The following STPG2 variants were observed in gnomAD, a reference collection of about 807,000 sequenced individuals.
STPG2 encodes the protein sperm-tail PG-rich repeat-containing protein 2.
STPG2 carries 56 observed loss-of-function variants against 54.2 expected under a neutral mutation model. The observed-to-expected ratio is 1.03, with a 90% CI of 0.83 to 1.29. The LOEUF (loss-of-function observed/expected upper bound fraction) is 1.29. Among genes scored for constraint, STPG2 ranks in the 50% most tolerant of loss-of-function variants. STPG2 has a pLI of 0.00. For synonymous variants in STPG2, 200 were observed against 181.8 expected (o/e 1.10, Z -0.81); for missense variants, 596 against 544.9 (o/e 1.09, Z -0.93).
chr4:98,031,434 T>C (rs1199816510), intron 5 of STPG2, among the ~76,000 whole-genome samples: 1 of 152,046 alleles, frequency 6.6e-6, no homozygotes, highest in Non-Finnish European at 1.5e-5. Context: ...ATCCCAGCAC[T>C]TTGGGAGGCT....
At chr4:98,002,833 T>C (rs1426672) in intron 5 of STPG2, among the ~76,000 whole-genome samples, 59,911 of 151,938 alleles carry the variant, frequency 0.39, 12,047 homozygotes, top group Middle Eastern at 0.46. Context: ...GGGTAATTAG[T>C]GCACATGAAG....
chr4:97,462,340 T>C (rs538390894), intron 4 of STPG2, among the ~76,000 whole-genome samples: 19 of 152,112 alleles, frequency 1.2e-4, no homozygotes, highest in Middle Eastern at 3.4e-3. Context: ...GTATGTAAAT[T>C]CTCTAAGCTA....
chr4:97,543,846 A>AAT (rs1349490580), intron 4 of STPG2, among the ~76,000 whole-genome samples: 8 of 152,246 alleles, frequency 5.3e-5, no homozygotes, highest in African/African-American at 1.9e-4. Context: ...TGGGGAACTT[A>AAT]TTAAACTCAT....
At chr4:98,052,173 A>G (rs547711078) in intron 5 of STPG2, among the ~76,000 whole-genome samples, 2 of 152,228 alleles carry the variant, frequency 1.3e-5, no homozygotes, top group Non-Finnish European at 1.5e-5. Flanking sequence ...GAAAAAGGAT[A>G]TGATAGAGAT....
chr4:97,957,686 A>C (rs1026895642), intron 7 of STPG2, among the ~76,000 whole-genome samples: 1 of 152,178 alleles, frequency 6.6e-6, no homozygotes. Flanking sequence ...CAGGTAACCT[A>C]TAAAGGAAAA....
chr4:97,996,315 A>T lies in STPG2; in HGVS notation c.613-14997T>A, dbSNP rs137893786. Among the ~76,000 whole-genome samples, 522 of 152,294 alleles carry T rather than the reference A, an allele frequency of 3.4e-3. 3 individuals are homozygous for T. Among genetic ancestry groups the T allele is most frequent in the African/African-American group, 0.012 (494 of 41,564 alleles). On this transcript the variant is annotated intron_variant, in intron 5 of 10. Coordinates refer to ENST00000295268, the MANE Select transcript of STPG2 (RefSeq NM_174952.3). The stretch of plus-strand genomic sequence containing the variant: ...CACCTACTACCATCTTAACCATCTG[A>T]TCTTCAACAAAGTCAACACAAACAA...
intron 8 of STPG2, among the ~76,000 whole-genome samples, chr4:97,928,432 T>C (rs1202404082): frequency 1.3e-5 from 2 of 152,176 alleles, no homozygotes; most frequent in African/African-American, 2.4e-5. Flanking sequence ...ATAGTGCCAT[T>C]CCAAATGCAT....
chr4:98,120,546 C>T (rs1200551299), intron 3 of STPG2, among the ~76,000 whole-genome samples: 1 of 152,156 alleles, frequency 6.6e-6, no homozygotes, highest in East Asian at 1.9e-4. Context: ...AAAGGCATTC[C>T]TATTTCTCTG....
intron 10 of STPG2, among the ~76,000 whole-genome samples, chr4:97,700,032 C>T (rs1257416164): frequency 6.6e-6 from 1 of 152,098 alleles, no homozygotes; most frequent in Admixed American, 6.6e-5. Context: ...ACTTGATGAC[C>T]CATAGTCAAA....
intron 5 of STPG2, among the ~76,000 whole-genome samples, chr4:97,983,021 T>G (rs1734726620): frequency 6.6e-6 from 1 of 152,196 alleles, no homozygotes; most frequent in African/African-American, 2.4e-5. Context: ...TCATTAGCTA[T>G]CTACTTACCT....
At chr4:97,852,967 CTTTTTTTTTTTTT>C (rs574886386) in intron 8 of STPG2, among the ~76,000 whole-genome samples, 9 of 69,626 alleles carry the variant, frequency 1.3e-4, no homozygotes, top group African/African-American at 1.9e-4. Context: ...AACATATTTT[CTTTTTTTTTTTTT>C]TTTTTTTTTT....
At chr4:97,520,004 T>C (rs1240311784) in intron 4 of STPG2, among the ~76,000 whole-genome samples, 2 of 151,994 alleles carry the variant, frequency 1.3e-5, no homozygotes, top group African/African-American at 2.4e-5. Context: ...ATCTGTAAAA[T>C]AGGGATAAAA....
intron 10 of STPG2, among the ~76,000 whole-genome samples, chr4:97,703,684 AT>A (rs2148999778): frequency 7.1e-6 from 1 of 141,658 alleles, no homozygotes; most frequent in South Asian, 2.1e-4. Context: ...TATATAGTAT[AT>A]ATATTTAGTA....
intron 5 of STPG2, among the ~76,000 whole-genome samples, chr4:98,017,748 G>C (rs917672620): frequency 6.6e-6 from 1 of 152,174 alleles, no homozygotes; most frequent in Non-Finnish European, 1.5e-5. Context: ...CTCACATGTT[G>C]AGGGAGGACC....
At chr4:97,597,945 T>C (rs1733342580) in intron 10 of STPG2, among the ~76,000 whole-genome samples, 1 of 152,008 alleles carries the variant, frequency 6.6e-6, no homozygotes, top group Admixed American at 6.6e-5. Context: ...TCAAACTATC[T>C]CTGGTTGCAG....
chr4:98,086,589 A>G (rs2110121579), intron 5 of STPG2, among the ~76,000 whole-genome samples: 1 of 150,550 alleles, frequency 6.6e-6, no homozygotes, highest in South Asian at 2.1e-4. Flanking sequence ...CCAAATATTT[A>G]AATAATGATT....
At chr4:97,554,866 C>T (rs907873062), downstream of STPG2, among the ~76,000 whole-genome samples, 1 of 152,086 alleles carries the variant, frequency 6.6e-6, no homozygotes, top group Non-Finnish European at 1.5e-5. Flanking sequence ...GAATATGCCA[C>T]CCTAAAGTAT....
intron 2 of STPG2, among the ~76,000 whole-genome samples, chr4:98,130,944 AAAAAAAC>A (rs1374832828): frequency 4.7e-5 from 6 of 127,852 alleles, no homozygotes; most frequent in South Asian, 4.7e-4. Context: ...AAAAAACAAA[AAAAAAAC>A]GACTTTCCAA....
At chr4:97,617,474 T>C (rs1733905537) in intron 10 of STPG2, among the ~76,000 whole-genome samples, 1 of 152,174 alleles carries the variant, frequency 6.6e-6, no homozygotes, top group Non-Finnish European at 1.5e-5. Flanking sequence ...CACAGGAACT[T>C]TCCCACTTTT....
Sources: allele counts gnomAD v4.1 joint callset (sites outside exome capture counted in the v4.1 genomes callset), GRCh38; gene constraint gnomAD v4.1.1; transcripts MANE v1.5; gene names NCBI Gene and HGNC (gene_info 2026-07-23, HGNC 2026-07-21).